The following TNNT2 variants were observed in gnomAD, a reference collection of about 807,000 sequenced individuals.
The protein encoded by TNNT2 is troponin T, cardiac muscle.
A neutral mutation model predicts 62.4 loss-of-function variants in TNNT2; 34 were observed. The ratio of observed to expected loss-of-function variants is 0.54; its 90% CI spans 0.41 to 0.72. The LOEUF (loss-of-function observed/expected upper bound fraction) is 0.72, where lower values mean the gene tolerates loss of function less well. TNNT2 is among the 30% of genes least tolerant of loss of function. The pLI, the probability that TNNT2 is intolerant of heterozygous loss-of-function variation, is 0.00. For missense variants in TNNT2, 275 were observed against 381.9 expected (o/e 0.72, Z 2.33); for synonymous variants, 123 against 127.2 (o/e 0.97, Z 0.22).
rs369469475 is a variant in TNNT2, at chr1:201,367,819, C to T, written c.164-13G>A. On this transcript the variant is annotated splice_polypyrimidine_tract_variant and intron_variant, in intron 6 of 16. Transcript: ENST00000656932. ...TCTTCTTCATCTTCTAAATGAAACACGAGAAATCAATCAAGGTCCTTGTTC... is the reference window on the plus strand; with the variant it reads ...TCTTCTTCATCTTCTAAATGAAACATGAGAAATCAATCAAGGTCCTTGTTC... 3.5e-5 allele frequency: 57 copies of T among 1,614,004 alleles called. No individual in the cohort carries two copies. Among genetic ancestry groups the T allele is most frequent in the East Asian group, 4.5e-5 (2 of 44,888 alleles).
chr1:201,373,383 C>A, intron 1 of TNNT2, 115 bp from the exon 2 acceptor site: 2 of 893,170 alleles, frequency 2.2e-6, no homozygotes, highest in South Asian at 1.3e-5. Context: ...CTAGTTCCAC[C>A]CCTCATGAGC....
intron 5 of TNNT2, chr1:201,369,279 C>A (rs1455861772): frequency 2.1e-6 from 1 of 472,266 alleles, no homozygotes; most frequent in Non-Finnish European, 4.4e-6. Context: ...CACTCCCTTG[C>A]CTTGGTCCTG....
chr1:201,367,319 G>T (rs1270210806), intron 7 of TNNT2: 1 of 381,984 alleles, frequency 2.6e-6, no homozygotes, highest in Non-Finnish European at 4.9e-6. Context: ...CCAGCTGGTT[G>T]TCCCCTCCCC....
At chr1:201,371,871 G>A (rs1325459065) in intron 4 of TNNT2, among the ~76,000 whole-genome samples, 156 bp downstream of exon 4, 1 of 152,186 alleles carries the variant, frequency 6.6e-6, no homozygotes, top group African/African-American at 2.4e-5. Flanking sequence ...AACCCAGGTA[G>A]GACTGATTCC....
chr1:201,361,457 C>G, intron 14 of TNNT2, 88 bp from the exon 15 acceptor site: 1 of 1,237,494 alleles, frequency 8.1e-7, no homozygotes, highest in South Asian at 1.2e-5. Flanking sequence ...CCCCCAGCAT[C>G]CCAGCCCTCC....
chr1:201,371,727 C>A (rs1660636199), intron 4 of TNNT2, among the ~76,000 whole-genome samples: 1 of 151,938 alleles, frequency 6.6e-6, no homozygotes, highest in Non-Finnish European at 1.5e-5. Flanking sequence ...ATTATTGCTA[C>A]CTTTATGTGC....
chr1:201,368,696 C>A (rs761044822), intron 5 of TNNT2, among the ~76,000 whole-genome samples: 1 of 152,166 alleles, frequency 6.6e-6, no homozygotes, highest in Non-Finnish European at 1.5e-5. Context: ...TTTCTATTTT[C>A]ATCTATTTGT....
At chr1:201,370,897 G>A (rs963752603) in intron 4 of TNNT2, among the ~76,000 whole-genome samples, 7 of 152,256 alleles carry the variant, frequency 4.6e-5, no homozygotes, top group Non-Finnish European at 8.8e-5. Context: ...AGAATTTGGA[G>A]CCAGTTAGAT....
In TNNT2 at chr1:201,369,915, C is replaced by T. The variant is rs12049476; in HGVS notation, c.68-70G>A. 0.61 allele frequency: 977,574 copies of T among 1,591,850 alleles called. 304,273 individuals are homozygous for T. Among genetic ancestry groups the T allele is most frequent in the Admixed American group, 0.69 (41,221 of 59,904 alleles). ...GGTTAGTCTGGGAGCAGAGAGCCCG[C>T]GGCAGGAGCAGCCACCCAGCGCAGT... On this transcript the variant is annotated intron_variant, in intron 4 of 16. Transcript: ENST00000656932.
chr1:201,365,714 C>T (rs752371861), intron 8 of TNNT2, 44 bp from the exon 9 acceptor site: 7 of 1,607,842 alleles, frequency 4.4e-6, no homozygotes, highest in South Asian at 2.2e-5. Flanking sequence ...ATTCTGGACC[C>T]AGGGACTGAG....
At chr1:201,377,334 A>G (rs1346418621) in intron 1 of TNNT2, among the ~76,000 whole-genome samples, 1 of 152,178 alleles carries the variant, frequency 6.6e-6, no homozygotes, top group Non-Finnish European at 1.5e-5. Context: ...GGGGAGGGAA[A>G]GTGACTCATC....
intron 12 of TNNT2, 188 bp downstream of exon 12, chr1:201,363,108 C>G (rs765551732): frequency 2.1e-5 from 21 of 985,290 alleles, no homozygotes; most frequent in Non-Finnish European, 2.5e-5. Context: ...GCAAGCCCCT[C>G]CTAGTGCAAG....
At chr1:201,373,716 G>A in intron 1 of TNNT2, 1 of 245,830 alleles carries the variant, frequency 4.1e-6, no homozygotes, top group East Asian at 9.9e-5. Flanking sequence ...TGGGACTATA[G>A]TTGTGCACCA....
chr1:201,362,009 C>T lies in TNNT2; in HGVS notation c.623G>A (p.Ser208Asn). 6.2e-7 allele frequency: 1 copy of T among 1,614,200 alleles called. No homozygotes were observed. Among genetic ancestry groups the T allele is most frequent in the Non-Finnish European group, 8.5e-7 (1 of 1,180,040 alleles). ...IQKQAQTERK[S>N]GKRQTEREKK... is the part of the protein sequence containing the mutation. Reference sequence around the variant, plus strand: ...TTCCCGCTCAGTCTGCCTCTTCCCACTTTTCCGCTCTGTCTGGAGGGTGTG... The same window carrying T: ...TTCCCGCTCAGTCTGCCTCTTCCCATTTTTCCGCTCTGTCTGGAGGGTGTG... The change falls in exon 14 of 17, where the codon AGT becomes AAT. Residue 208 changes from serine to asparagine, a missense_variant. Ser to Asn is a conservative substitution (Grantham distance 46). Coordinates refer to ENST00000656932, the MANE Select transcript of TNNT2 (RefSeq NM_001276345.2).
In TNNT2 at chr1:201,363,329, G is replaced by A. The variant is rs397516474; in HGVS notation, c.567C>T (p.Ser189=). ...EDEARKKKAL[S]NMMHFGGYIQ... is the part of the protein sequence containing the mutation. ...TGTAACCCCCAAAATGCATCATGTT[G>A]GACAAAGCCTTCTTCTTCCGGGCCT... The change falls in exon 12 of 17, where the codon TCC becomes TCT. Residue 189 remains serine, a synonymous_variant. Coordinates refer to ENST00000656932, the MANE Select transcript of TNNT2 (RefSeq NM_001276345.2). 154 of 1,614,000 alleles carry A rather than the reference G, an allele frequency of 9.5e-5. No homozygotes were observed. The highest frequency in any genetic ancestry group is 1.3e-4 in the Non-Finnish European group (148 of 1,180,040).
rs1658267557 is a variant in TNNT2, at chr1:201,359,782, C to T, written c.811-119G>A. 5.7e-6 allele frequency: 5 copies of T among 881,186 alleles called. No homozygotes were observed. In the Admixed American group the frequency reaches 6.0e-5, roughly 11 times the overall value. The allele number at this position is 881,186 out of a possible 1,614,324, so 54.6% of individuals were successfully genotyped here. ...AGCAGTGCAGGAGGAGAAGGAGGAG[C>T]ATGGAAGAGTAGGAGGGGTTAGGAT... On this transcript the variant is annotated intron_variant, in intron 15 of 16. Transcript: ENST00000656932.
At chr1:201,368,079 G>T in intron 6 of TNNT2, 83 bp downstream of exon 6, 1 of 1,390,550 alleles carries the variant, frequency 7.2e-7, no homozygotes, top group Non-Finnish European at 1.0e-6. Context: ...AGCCTGTTCT[G>T]GGGGGTTTCT....
rs369479477 is a variant in TNNT2 at position 201,366,102 on chromosome 1, C to T, written c.234-432G>A. The T allele has an allele frequency of 3.1e-4, 346 of 1,111,306 alleles. 4 individuals carry two copies. In the African/African-American group the frequency reaches 4.1e-3, roughly 13 times the overall value. 68.8% of individuals were successfully genotyped at this position (1,111,306 alleles called of 1,614,324 possible). A position where few individuals can be genotyped will look rare whatever the true frequency, so the allele number is the denominator to read the frequency against. On this transcript the variant is annotated intron_variant, in intron 8 of 16. Transcript: ENST00000656932. The stretch of plus-strand genomic sequence containing the variant: ...TTGCAGTTTGGTCCTGGTCCCAACA[C>T]ATACTGAGACCCAGGGGGTTCTCTG...
intron 2 of TNNT2, 169 bp downstream of exon 2, chr1:201,373,045 C>T: frequency 2.6e-6 from 2 of 766,058 alleles, no homozygotes; most frequent in Non-Finnish European, 4.7e-6. Flanking sequence ...ATCTACAACC[C>T]AGGGGTACAG....
Sources: allele counts gnomAD v4.1 joint callset (sites outside exome capture counted in the v4.1 genomes callset), GRCh38; gene constraint gnomAD v4.1.1; transcripts MANE v1.5; gene names NCBI Gene and HGNC (gene_info 2026-07-23, HGNC 2026-07-21).